DPEP1: variants seen among roughly 807,000 people sequenced by gnomAD.
The protein encoded by DPEP1 is dipeptidase 1, also known as beta-lactamase.
A neutral mutation model predicts 42.3 loss-of-function variants in DPEP1; 50 were observed. That is an observed-to-expected ratio of 1.18 (90% CI 0.94 to 1.50). DPEP1 has a LOEUF of 1.50. Among genes scored for constraint, DPEP1 ranks in the 40% most tolerant of loss-of-function variants. DPEP1 has a pLI of 0.00. For synonymous variants in DPEP1, 297 were observed against 234.0 expected (o/e 1.27, Z -2.46); for missense variants, 663 against 553.0 (o/e 1.20, Z -1.99).
At chr16:89,626,972 A>G (rs2059521492) in intron 1 of DPEP1, among the ~76,000 whole-genome samples, 1 of 151,416 alleles carries the variant, frequency 6.6e-6, no homozygotes, top group African/African-American at 2.4e-5. Flanking sequence ...AAAATTAGTC[A>G]GACGTGGGGC....
downstream of DPEP1, among the ~76,000 whole-genome samples, chr16:89,639,161 C>T (rs1239110138): frequency 1.4e-5 from 1 of 69,410 alleles, no homozygotes; most frequent in East Asian, 5.1e-4. Context: ...CACACACACA[C>T]CCCATCCCTG....
intron 2 of DPEP1, 78 bp downstream of exon 2, chr16:89,630,592 G>C (rs1215216580): frequency 5.3e-6 from 1 of 188,894 alleles, no homozygotes; most frequent in African/African-American, 3.2e-5. Context: ...TGGGGGAGCC[G>C]GGGCTGGGGG....
At chr16:89,629,270 C>T (rs1251283911) in intron 1 of DPEP1, among the ~76,000 whole-genome samples, 1 of 152,122 alleles carries the variant, frequency 6.6e-6, no homozygotes, top group African/African-American at 2.4e-5. Flanking sequence ...GAGGCCAAAG[C>T]AGGCAGGTTT....
At chr16:89,627,651 CTTTTT>C (rs1175287086) in intron 1 of DPEP1, among the ~76,000 whole-genome samples, 1 of 52,860 alleles carries the variant, frequency 1.9e-5, no homozygotes, top group Non-Finnish European at 3.2e-5. Context: ...GATATTTCTT[CTTTTT>C]TTTTTTTTTT....
chr16:89,615,350 G>A (rs369378404), intron 1 of DPEP1, among the ~76,000 whole-genome samples: 3 of 152,146 alleles, frequency 2.0e-5, no homozygotes, highest in Admixed American at 6.5e-5. Context: ...GCGGGCAGGC[G>A]GGCCTGGCAG....
intron 2 of DPEP1, among the ~76,000 whole-genome samples, chr16:89,633,473 C>A (rs2059615621): frequency 6.6e-6 from 1 of 152,232 alleles, no homozygotes; most frequent in Admixed American, 6.5e-5. Flanking sequence ...CCCCTTCTTT[C>A]CCCTGAGGAG....
chr16:89,624,434 C>G (rs537008395), intron 1 of DPEP1, among the ~76,000 whole-genome samples: 1 of 151,912 alleles, frequency 6.6e-6, no homozygotes, highest in African/African-American at 2.4e-5. Flanking sequence ...TGCAAAGTAA[C>G]GAACAAAACA....
Position 89,630,289 on chromosome 16 carries a change from G to A in DPEP1, c.-106-16G>A. The A allele has an allele frequency of 1.5e-6, 1 of 687,888 alleles. No individual in the cohort carries two copies. The highest frequency in any genetic ancestry group is 2.5e-6 in the Non-Finnish European group (1 of 397,804). The allele number at this position is 687,888 out of a possible 1,614,324, so 42.6% of individuals were successfully genotyped here. ...GTCATCACTTCCACCCACACCTCTG[G>A]TGCCTCTCCTGGCAGGCAGAGTGGC... is the stretch of plus-strand genomic sequence containing the variant. On this transcript the variant is annotated splice_polypyrimidine_tract_variant and intron_variant, in intron 1 of 10. Transcript: ENST00000690203.
At chr16:89,633,214 G>A (rs1355967643) in intron 2 of DPEP1, among the ~76,000 whole-genome samples, 1 of 152,200 alleles carries the variant, frequency 6.6e-6, no homozygotes, top group Non-Finnish European at 1.5e-5. Context: ...CTCAGCAAGT[G>A]CGTCCTGACC....
At chr16:89,635,518 C>T (rs1208256783) in intron 2 of DPEP1, among the ~76,000 whole-genome samples, 1 of 152,196 alleles carries the variant, frequency 6.6e-6, no homozygotes, top group East Asian at 1.9e-4. Context: ...ACTGAAAACT[C>T]TCAGAAACAG....
At chr16:89,622,811 C>T (rs2151482214) in intron 1 of DPEP1, among the ~76,000 whole-genome samples, 1 of 150,664 alleles carries the variant, frequency 6.6e-6, no homozygotes, top group African/African-American at 2.4e-5. Context: ...ACTCGTCAGA[C>T]AATAGAAAGT....
At chr16:89,628,950 C>T (rs905688320) in intron 1 of DPEP1, among the ~76,000 whole-genome samples, 1 of 151,996 alleles carries the variant, frequency 6.6e-6, no homozygotes, top group African/African-American at 2.4e-5. Context: ...CCTCAGCCTC[C>T]TGAGTAGCTG....
At chr16:89,632,902 C>G (rs996221217) in intron 2 of DPEP1, among the ~76,000 whole-genome samples, 2 of 152,118 alleles carry the variant, frequency 1.3e-5, no homozygotes, top group African/African-American at 4.8e-5. Context: ...CCAGCCTGGG[C>G]AACAGAGTGA....
intron 1 of DPEP1, among the ~76,000 whole-genome samples, chr16:89,617,793 A>C (rs140166040): frequency 0.045 from 4,131 of 91,418 alleles, 256 homozygotes; most frequent in African/African-American, 0.15. Context: ...GGAGGCCAAG[A>C]CGGGCAGATC....
At chr16:89,625,471 G>C (rs1026604490) in intron 1 of DPEP1, among the ~76,000 whole-genome samples, 5 of 152,202 alleles carry the variant, frequency 3.3e-5, no homozygotes, top group Admixed American at 1.3e-4. Context: ...GTTTCCACGT[G>C]AGATCTGGAC....
downstream of DPEP1, among the ~76,000 whole-genome samples, chr16:89,639,507 A>G: frequency 1.3e-5 from 1 of 79,184 alleles, no homozygotes; most frequent in Non-Finnish European, 2.4e-5. Flanking sequence ...CCCTGCACAC[A>G]CCCTCATCCT....
rs758820934 is a variant in DPEP1, at chr16:89,637,434, C to G, written c.769-34C>G. ...CGCCTCCCTGGGCAGGCCCTCCCAGCTCTCAGCTTCACCCTGTCTTCCTTC... is the reference window on the plus strand; with the variant it reads ...CGCCTCCCTGGGCAGGCCCTCCCAGGTCTCAGCTTCACCCTGTCTTCCTTC... On this transcript the variant is annotated intron_variant, in intron 7 of 10. Transcript: ENST00000690203. The G allele has an allele frequency of 1.4e-5, 22 of 1,612,806 alleles. No individual in the cohort carries two copies. In the South Asian group the frequency reaches 1.9e-4, roughly 14 times the overall value.
rs1488508039 is a variant in DPEP1, at chr16:89,630,314, C to G, written c.-97C>G. ...GTGCCTCTCCTGGCAGGCAGAGTGG[C>G]TCCTCACAGCCTGAAGCTCATCCTT... On this transcript the variant is annotated 5_prime_UTR_variant, in exon 2 of 11. Transcript: ENST00000690203. 1 of 943,186 alleles carries G rather than the reference C, an allele frequency of 1.1e-6. No homozygotes were observed. The highest frequency in any genetic ancestry group is 1.6e-6 in the Non-Finnish European group (1 of 613,288). The allele number at this position is 943,186 out of a possible 1,614,324, so 58.4% of individuals were successfully genotyped here.
At chr16:89,635,589 C>G (rs763702007) in intron 2 of DPEP1, among the ~76,000 whole-genome samples, 2 of 152,184 alleles carry the variant, frequency 1.3e-5, no homozygotes, top group Non-Finnish European at 2.9e-5. Flanking sequence ...TCATTTGGCT[C>G]CTTGTGTCCC....
Sources: gnomAD v4.1 joint callset for allele counts (sites outside exome capture counted in the v4.1 genomes callset) on GRCh38, gnomAD v4.1.1 for gene constraint, MANE v1.5 for transcripts, NCBI Gene and HGNC (gene_info 2026-07-23, HGNC 2026-07-21) for gene names.